Variants in SKIL observed in about 807,000 individuals in gnomAD.
The protein encoded by SKIL is SKI like proto-oncogene.
In SKIL, 20 loss-of-function variants were observed where a neutral mutation model predicts 69.6. That is an observed-to-expected ratio of 0.29 (90% CI 0.20 to 0.42). SKIL has a LOEUF of 0.42. Ranked by LOEUF, SKIL falls within the 10% of genes least tolerant of loss-of-function variation. SKIL has a pLI of 1.00. For synonymous variants in SKIL, 310 were observed against 279.9 expected (o/e 1.11, Z -1.08); for missense variants, 745 against 783.1 (o/e 0.95, Z 0.58).
chr3:170,360,471 C>A lies in SKIL; in HGVS notation c.140C>A (p.Pro47Gln). 2 of 1,613,902 alleles carry A rather than the reference C, an allele frequency of 1.2e-6. No homozygotes were observed. The highest frequency in any genetic ancestry group is 1.7e-6 in the Non-Finnish European group (2 of 1,179,970). ...AATGGAAAAACGATAAACAAGGTGC[C>A]AACAGTTAAGAAGGAACACTTGGAT... ...HANGKTINKV[P>Q]TVKKEHLDDY... Residue 47 changes from proline to glutamine, a missense_variant, in exon 2 of 7, where the codon CCA (proline) becomes CAA (glutamine). Coordinates refer to ENST00000259119, the MANE Select transcript of SKIL (RefSeq NM_005414.5).
chr3:170,382,828 C>T (rs1264242346), intron 3 of SKIL, among the ~76,000 whole-genome samples: 2 of 150,408 alleles, frequency 1.3e-5, no homozygotes, highest in African/African-American at 4.9e-5. Flanking sequence ...AAGCATTTCT[C>T]CTGCCTCAGC....
chr3:170,376,042 C>CTT (rs869036195), intron 2 of SKIL, among the ~76,000 whole-genome samples: 575 of 89,044 alleles, frequency 6.5e-3, no homozygotes, highest in Non-Finnish European at 8.1e-3. Flanking sequence ...GCTGATTTTC[C>CTT]TTTTTTTTTT....
At chr3:170,373,422 T>TC (rs34408171) in intron 2 of SKIL, among the ~76,000 whole-genome samples, 116,894 of 151,998 alleles carry the variant, frequency 0.77, 45,731 homozygotes, top group East Asian at 0.94. Context: ...CAGGTGATCC[T>TC]CCGCCTTGGC....
intron 2 of SKIL, among the ~76,000 whole-genome samples, chr3:170,375,641 A>G (rs927349562): frequency 1.3e-5 from 2 of 152,200 alleles, no homozygotes; most frequent in African/African-American, 4.8e-5. Flanking sequence ...TGGCAGGATC[A>G]TAGCTCACAG....
chr3:170,372,672 C>G (rs1736848188), intron 2 of SKIL, among the ~76,000 whole-genome samples: 1 of 152,094 alleles, frequency 6.6e-6, no homozygotes. Flanking sequence ...TGTCTTTATA[C>G]TTCTGAAATC....
At position 170,394,114 on chromosome 3, in the gene SKIL, A is replaced by ATTTTTTTTTTTTTT. The variant is rs1560224797; in HGVS notation, c.*1697_*1698insTTTTTTTTTTTTTT. 3 of 131,666 alleles carry ATTTTTTTTTTTTTT rather than the reference A, an allele frequency of 2.3e-5. No individual in the cohort carries two copies. The highest frequency in any genetic ancestry group is 6.2e-5 in the African/African-American group (2 of 32,372). 8.2% of individuals were successfully genotyped at this position (131,666 alleles called of 1,614,324 possible). A position where few individuals can be genotyped will look rare whatever the true frequency, so the allele number is the denominator to read the frequency against. On this transcript the variant is annotated 3_prime_UTR_variant, in exon 7 of 7. Transcript: ENST00000259119. ...AATATTAAAATGACATGTAGAAACA[A>ATTTTTTTTTTTTTT]ATTTTTTTTTTTTTTTTTTTTTTTT... is the stretch of plus-strand genomic sequence containing the variant.
chr3:170,387,859 G>A (rs796369924), intron 4 of SKIL, among the ~76,000 whole-genome samples: 1,825 of 141,996 alleles, frequency 0.013, 49 homozygotes, highest in African/African-American at 0.044. Flanking sequence ...GCGTGAACCC[G>A]GGAGGCGGAG....
In SKIL at chr3:170,391,241, A is replaced by C. The variant is rs765163727; in HGVS notation, c.1877A>C (p.Glu626Ala). The change falls in exon 6 of 7, where the codon GAG (glutamate) becomes GCG (alanine). Residue 626 changes from glutamate (E) to alanine (A), a missense_variant. Coordinates refer to ENST00000259119, the MANE Select transcript of SKIL (RefSeq NM_005414.5). The stretch of plus-strand genomic sequence containing the variant: ...GACTCAAATTTAGAAAAAGACAAAG[A>C]GGCTGAATATGCAGGACAGGTAAGA... ...TCDSNLEKDKEAEYAGQLAEL... is the reference protein window; with the variant it reads ...TCDSNLEKDKAAEYAGQLAEL... 6.2e-7 allele frequency: 1 copy of C among 1,602,960 alleles called. No homozygotes were observed. Among genetic ancestry groups the C allele is most frequent in the Non-Finnish European group, 8.5e-7 (1 of 1,170,854 alleles).
chr3:170,390,109 T>C (rs1451849954), intron 4 of SKIL, 114 bp from the exon 5 acceptor site: 1 of 735,240 alleles, frequency 1.4e-6, no homozygotes, highest in Admixed American at 2.8e-5. Context: ...ATTTTATTTG[T>C]TTTGGTCTAA....
At position 170,395,182 on chromosome 3, in the gene SKIL, C is replaced by A. The variant is rs1300325515; in HGVS notation, c.*2765C>A. On this transcript the variant is annotated 3_prime_UTR_variant, in exon 7 of 7. Transcript: ENST00000259119. The stretch of plus-strand genomic sequence containing the variant: ...GCTAAACTTTATGAGAAAAGTGTAC[C>A]TACTCTATAAAGGTAATAAATGTAA... The A allele has an allele frequency of 1.3e-5, 2 of 152,068 alleles. No individual in the cohort carries two copies. The highest frequency in any genetic ancestry group is 2.4e-5 in the African/African-American group (1 of 41,410). 9.4% of individuals were successfully genotyped at this position (152,068 alleles called of 1,614,324 possible). A position where few individuals can be genotyped will look rare whatever the true frequency, so the allele number is the denominator to read the frequency against.
chr3:170,365,687 T>C (rs1204128906), intron 2 of SKIL, among the ~76,000 whole-genome samples: 12 of 151,806 alleles, frequency 7.9e-5, no homozygotes, highest in Non-Finnish European at 2.9e-5. Flanking sequence ...CTGTGAGTCA[T>C]TGAGTTGGTT....
chr3:170,365,752 C>CTTTTTTTTTTTTTTTTTTTTTTTTT (rs59222162), intron 2 of SKIL, among the ~76,000 whole-genome samples: 9 of 106,452 alleles, frequency 8.5e-5, no homozygotes, highest in East Asian at 8.3e-4. Flanking sequence ...TCAAACTAGG[C>CTTTTTTTTTTTTTTTTTTTTTTTTT]TTTTTTTTTT....
Position 170,391,213 on chromosome 3 carries a change from T to C in SKIL, c.1849T>C (p.Cys617Arg). ...GCAGATAATGAAGCAAAAATGTACC[T>C]GTGACTCAAATTTAGAAAAAGACAA... ...LEQIMKQKCTCDSNLEKDKEA... is the reference protein window; with the variant it reads ...LEQIMKQKCTRDSNLEKDKEA... The change falls in exon 6 of 7, where the codon TGT becomes CGT. Residue 617 changes from cysteine (C) to arginine (R), a missense_variant. Coordinates refer to ENST00000259119, the MANE Select transcript of SKIL (RefSeq NM_005414.5). 6.2e-7 allele frequency: 1 copy of C among 1,612,240 alleles called. No homozygotes were observed.
At chr3:170,368,503 C>G (rs1027123664) in intron 2 of SKIL, among the ~76,000 whole-genome samples, 6 of 152,110 alleles carry the variant, frequency 3.9e-5, no homozygotes, top group African/African-American at 1.4e-4. Context: ...TAAACAGATA[C>G]AATTTGCACA....
intron 2 of SKIL, among the ~76,000 whole-genome samples, chr3:170,366,868 A>G (rs1485683310): frequency 6.6e-6 from 1 of 152,168 alleles, no homozygotes; most frequent in African/African-American, 2.4e-5. Flanking sequence ...TCTTTTTCAC[A>G]TCTTCAGTGG....
chr3:170,373,154 G>T (rs1736870802), intron 2 of SKIL, among the ~76,000 whole-genome samples: 1 of 151,096 alleles, frequency 6.6e-6, no homozygotes, highest in South Asian at 2.1e-4. Context: ...GCACCACCAG[G>T]CCCGGCTAAT....
At chr3:170,382,697 C>T (rs1737418273) in intron 3 of SKIL, among the ~76,000 whole-genome samples, 1 of 149,176 alleles carries the variant, frequency 6.7e-6, no homozygotes, top group Non-Finnish European at 1.5e-5. Flanking sequence ...GTGTGAGCCA[C>T]CGCCCCGAGC....
intron 2 of SKIL, among the ~76,000 whole-genome samples, chr3:170,373,761 T>C (rs1008350970): frequency 6.6e-6 from 1 of 152,146 alleles, no homozygotes. Flanking sequence ...CTTGGTGGCA[T>C]GGGCCAATAG....
In SKIL at chr3:170,367,269, T is replaced by A. The variant is rs550733762; in HGVS notation, c.1098+5840T>A. Among the ~76,000 whole-genome samples, 3 of 150,948 alleles carry A rather than the reference T, an allele frequency of 2.0e-5. No homozygotes were observed. In the Admixed American group the frequency reaches 2.0e-4, roughly 10 times the overall value. ...GACTACAGGTACCCATCACCACGCCTGGCTAATTTTTTCTATTTTTTTAGT... is the reference window on the plus strand; with the variant it reads ...GACTACAGGTACCCATCACCACGCCAGGCTAATTTTTTCTATTTTTTTAGT... On this transcript the variant is annotated intron_variant, in intron 2 of 6. Coordinates refer to ENST00000259119, the MANE Select transcript of SKIL (RefSeq NM_005414.5).
Sources: gnomAD v4.1 joint callset for allele counts (sites outside exome capture counted in the v4.1 genomes callset) on GRCh38, gnomAD v4.1.1 for gene constraint, MANE v1.5 for transcripts, NCBI Gene and HGNC (gene_info 2026-07-23, HGNC 2026-07-21) for gene names.